Variants in NEDD4L observed in about 807,000 individuals in gnomAD.
NEDD4L encodes NEDD4 like E3 ubiquitin protein ligase.
Under a neutral mutation model 148.9 loss-of-function variants are expected in NEDD4L, and 54 were observed. That is an observed-to-expected ratio of 0.36 (90% CI 0.29 to 0.45). NEDD4L has a LOEUF of 0.45. NEDD4L is among the 20% of genes least tolerant of loss of function. The pLI is 1.00. For synonymous variants in NEDD4L, 433 were observed against 440.7 expected, an observed-to-expected ratio of 0.98 and a Z score of 0.22; for missense variants, 856 against 1,233.8, an observed-to-expected ratio of 0.69 and a Z score of 4.59.
chr18:58,313,293 G>T (rs982375139), intron 5 of NEDD4L, among the ~76,000 whole-genome samples: 1 of 152,140 alleles, frequency 6.6e-6, no homozygotes, highest in Non-Finnish European at 1.5e-5. Flanking sequence ...ATGAGAAAAC[G>T]TGATAAAAGG....
intron 9 of NEDD4L, among the ~76,000 whole-genome samples, chr18:58,326,694 A>G (rs1488879532): frequency 1.3e-5 from 2 of 152,206 alleles, no homozygotes; most frequent in South Asian, 2.1e-4. Flanking sequence ...AAAAGTGGCC[A>G]GGAGCAACTC....
At position 58,262,584 on chromosome 18, in the gene NEDD4L, G is replaced by A. The variant is rs1015811475; in HGVS notation, c.297+10530G>A. The stretch of plus-strand genomic sequence containing the variant: ...GCGGAGGTTGCAGTGAGCTGAGATC[G>A]TGCCACTGCACTCCAGCCTGGGCGA... On this transcript the variant is annotated intron_variant, in intron 5 of 30. Coordinates refer to ENST00000400345, the MANE Select transcript of NEDD4L (RefSeq NM_001144967.3). 3.3e-5 allele frequency among the ~76,000 whole-genome samples: 5 copies of A among 150,902 alleles called. 1 individual carries two copies. The highest frequency in any genetic ancestry group is 2.0e-4 in the Admixed American group (3 of 15,164).
intron 9 of NEDD4L, 77 bp downstream of exon 9, chr18:58,325,239 C>G: frequency 6.5e-7 from 1 of 1,534,254 alleles, no homozygotes; most frequent in Non-Finnish European, 8.9e-7. Flanking sequence ...CCCTTTGGGA[C>G]AAGGCTGGGA....
chr18:58,394,748 C>T (rs375596077), intron 30 of NEDD4L, among the ~76,000 whole-genome samples: 3 of 152,218 alleles, frequency 2.0e-5, no homozygotes, highest in African/African-American at 4.8e-5. Context: ...GGTTGTTAAA[C>T]GGCCCTCTAC....
At chr18:58,076,369 A>G (rs555028132) in intron 1 of NEDD4L, among the ~76,000 whole-genome samples, 1 of 152,240 alleles carries the variant, frequency 6.6e-6, no homozygotes, top group African/African-American at 2.4e-5. Flanking sequence ...AACTGGGTGC[A>G]GTAAAGCATA....
At chr18:58,172,150 C>T (rs887662646) in intron 2 of NEDD4L, among the ~76,000 whole-genome samples, 3 of 152,078 alleles carry the variant, frequency 2.0e-5, no homozygotes, top group Non-Finnish European at 2.9e-5. Flanking sequence ...GACTCAGGCA[C>T]CATGGAATAC....
chr18:58,278,309 C>T, intron 5 of NEDD4L, among the ~76,000 whole-genome samples: 1 of 152,150 alleles, frequency 6.6e-6, no homozygotes, highest in Non-Finnish European at 1.5e-5. Context: ...ACCCTGGAAG[C>T]CCCTTGTCTC....
rs554492193 is a variant in NEDD4L, at chr18:58,359,516, T to C, written c.1767+2264T>C. Among the ~76,000 whole-genome samples, 8 of 152,348 alleles carry C rather than the reference T, an allele frequency of 5.3e-5. No homozygotes were observed. The South Asian group carries it at 1.2e-3, about 24-fold the overall frequency. On this transcript the variant is annotated intron_variant, in intron 19 of 30. Transcript: ENST00000400345. ...TTTAAAACTACCTTGCTTTAAACTT[T>C]CCTAATAGTCAAATAGTCATTAATA... is the stretch of plus-strand genomic sequence containing the variant.
chr18:58,365,854 A>C, intron 20 of NEDD4L, 145 bp from the exon 21 acceptor site: 1 of 606,950 alleles, frequency 1.6e-6, no homozygotes, highest in Non-Finnish European at 2.9e-6. Context: ...AAAACCCCTA[A>C]AGGAGAGAAT....
chr18:58,332,380 G>A (rs1014247294), intron 11 of NEDD4L, among the ~76,000 whole-genome samples: 1 of 152,212 alleles, frequency 6.6e-6, no homozygotes, highest in Admixed American at 6.5e-5. Context: ...GGGCACGGTG[G>A]CTAATGCTTA....
At chr18:58,385,842 C>A (rs1027904978) in intron 26 of NEDD4L, among the ~76,000 whole-genome samples, 1 of 151,912 alleles carries the variant, frequency 6.6e-6, no homozygotes. Context: ...TTACATTTGT[C>A]CTGTTTTTAA....
At chr18:58,259,825 C>G (rs944715643) in intron 5 of NEDD4L, among the ~76,000 whole-genome samples, 23 of 152,174 alleles carry the variant, frequency 1.5e-4, no homozygotes, top group Non-Finnish European at 3.4e-4. Context: ...TCTGTGTCCT[C>G]TCAGTGGACA....
intron 14 of NEDD4L, 44 bp downstream of exon 14, chr18:58,341,213 C>T (rs2042378949): frequency 6.2e-7 from 1 of 1,600,854 alleles, no homozygotes; most frequent in Non-Finnish European, 8.5e-7. Context: ...GCCATAGAAG[C>T]CGAAATGTAC....
At chr18:58,234,097 C>CTTTCTTTCTTTCTTTCTTTCT (rs1483373337) in intron 2 of NEDD4L, among the ~76,000 whole-genome samples, 35 of 83,388 alleles carry the variant, frequency 4.2e-4, no homozygotes, top group African/African-American at 1.3e-3. Flanking sequence ...TTCTTTCTTT[C>CTTTCTTTCTTTCTTTCTTTCT]TTTCTTTTCT....
chr18:58,331,287 A>G (rs1201049582), intron 11 of NEDD4L, among the ~76,000 whole-genome samples: 1 of 152,234 alleles, frequency 6.6e-6, no homozygotes, highest in East Asian at 1.9e-4. Flanking sequence ...AGTATTTCAC[A>G]GTAACAATTA....
At chr18:58,231,035 G>C (rs2148126331) in intron 2 of NEDD4L, among the ~76,000 whole-genome samples, 1 of 151,954 alleles carries the variant, frequency 6.6e-6, no homozygotes, top group Admixed American at 6.5e-5. Flanking sequence ...ATCCCTTGAG[G>C]CCAGGAGTTT....
In NEDD4L at chr18:58,153,803, C is replaced by A. The variant is rs372278819; in HGVS notation, c.49-11985C>A. Among the ~76,000 whole-genome samples, 31 of 152,218 alleles carry A rather than the reference C, an allele frequency of 2.0e-4. No individual in the cohort carries two copies. In the East Asian group the frequency reaches 5.6e-3, roughly 28 times the overall value. On this transcript the variant is annotated intron_variant, in intron 1 of 30. Coordinates refer to ENST00000400345, the MANE Select transcript of NEDD4L (RefSeq NM_001144967.3). ...CTGGGAGTACAGGCGCCCGCCACCACGCCTGGCAAGTTTTTCTGGAATTTT... is the reference window on the plus strand; with the variant it reads ...CTGGGAGTACAGGCGCCCGCCACCAAGCCTGGCAAGTTTTTCTGGAATTTT...
intron 1 of NEDD4L, among the ~76,000 whole-genome samples, chr18:58,123,428 C>T (rs918121800): frequency 1.1e-4 from 16 of 152,154 alleles, no homozygotes; most frequent in Non-Finnish European, 2.1e-4. Context: ...ACCTTTTCAC[C>T]CCCTTTCCGG....
chr18:58,108,546 G>A (rs923651842), intron 1 of NEDD4L, among the ~76,000 whole-genome samples: 1 of 152,064 alleles, frequency 6.6e-6, no homozygotes, highest in African/African-American at 2.4e-5. Flanking sequence ...TCAGCCTCCC[G>A]AGTAGCTGGG....
Sources: allele counts gnomAD v4.1 joint callset (sites outside exome capture counted in the v4.1 genomes callset), GRCh38; gene constraint gnomAD v4.1.1; transcripts MANE v1.5; gene names NCBI Gene and HGNC (gene_info 2026-07-23, HGNC 2026-07-21).